SENP6: variants seen among roughly 807,000 people sequenced by gnomAD.
SENP6 encodes the protein SUMO specific peptidase 6, also known as sentrin-specific protease 6.
SENP6 carries 41 observed loss-of-function variants against 134.5 expected under a neutral mutation model. The ratio of observed to expected loss-of-function variants is 0.30; its 90% confidence interval spans 0.24 to 0.40. The LOEUF is 0.40. Among genes scored for constraint, SENP6 ranks in the 10% least tolerant of loss-of-function variants. The pLI is 1.00. For missense variants in SENP6, 1,248 were observed against 1,312.5 expected (o/e 0.95, Z 0.76); for synonymous variants, 395 against 429.8 (o/e 0.92, Z 1.00).
chr6:75,670,697 C>G lies in SENP6; in HGVS notation c.1369C>G (p.Arg457Gly), dbSNP rs756987394. The G allele has an allele frequency of 6.2e-6, 10 of 1,610,186 alleles. No individual in the cohort carries two copies. The highest frequency in any genetic ancestry group is 2.7e-5 in the African/African-American group (2 of 74,866). Residue 457 changes from arginine to glycine, a missense_variant, in exon 11 of 24, where the codon CGG (arginine) becomes GGG (glycine). By Grantham distance (125) the Arg-to-Gly change is moderately radical. This residue lies in a region of SENP6 where 733 missense variants were observed against 725.4 expected (regional missense o/e 1.01). Coordinates refer to ENST00000447266, the MANE Select transcript of SENP6 (RefSeq NM_015571.4). ...CRSIRVGTLF[R>G]LLIEPVIFCL... ...AAGTATACGAGTAGGAACACTCTTC[C>G]GGCTGTTAATAGAGCCTGTAATTGT... is the stretch of plus-strand genomic sequence containing the variant.
chr6:75,681,037 A>T (rs921432792), intron 16 of SENP6, among the ~76,000 whole-genome samples: 1 of 152,252 alleles, frequency 6.6e-6, no homozygotes, highest in Admixed American at 6.5e-5. Context: ...TGAGAAAAGA[A>T]TATCAATAGA....
rs371593970 is a variant in SENP6 at position 75,675,826 on chromosome 6, G to A, written c.1427-34G>A. 6.5e-6 allele frequency: 10 copies of A among 1,534,568 alleles called. No homozygotes were observed. In the African/African-American group the frequency reaches 1.4e-4, roughly 21 times the overall value. On this transcript the variant is annotated intron_variant, in intron 12 of 23. Coordinates refer to ENST00000447266, the MANE Select transcript of SENP6 (RefSeq NM_015571.4). Reference sequence around the variant, plus strand: ...CCCATTCATGATATTACCCTCTTAAGAATTATTTTTCCATTTCATTTGTTT... The same window carrying A: ...CCCATTCATGATATTACCCTCTTAAAAATTATTTTTCCATTTCATTTGTTT...
chr6:75,660,853 A>G (rs2842537), intron 8 of SENP6, among the ~76,000 whole-genome samples: 1 of 150,320 alleles, frequency 6.7e-6, no homozygotes, highest in African/African-American at 2.5e-5. Flanking sequence ...CTGGTCTTGA[A>G]CTCCTGACCT....
intron 19 of SENP6, among the ~76,000 whole-genome samples, chr6:75,704,678 C>T (rs1027301260): frequency 6.6e-5 from 10 of 152,278 alleles, no homozygotes; most frequent in East Asian, 1.9e-4. Flanking sequence ...GGCTGGGGGA[C>T]GGTCAGGTCC....
rs1474841606 is a variant in SENP6, at chr6:75,713,541, C to T, written c.2938C>T (p.Arg980Ter). 1.2e-6 allele frequency: 2 copies of T among 1,613,660 alleles called. No homozygotes were observed. The highest frequency in any genetic ancestry group is 1.7e-6 in the Non-Finnish European group (2 of 1,179,786). ...TTGTATCCTACTTATGGACTCACTC[C>T]GAGGCCCTTCTCGGTCAAATGTTGT... Reference protein sequence around the residue: ...QPCILLMDSLRGPSRSNVVKI... With the variant: ...QPCILLMDSL The change falls in exon 22 of 24, where the codon CGA (arginine) becomes TGA (stop). Residue 980 changes from arginine (R) to a stop codon, truncating the protein, a stop_gained. Coordinates refer to ENST00000447266, the MANE Select transcript of SENP6 (RefSeq NM_015571.4). LOFTEE classifies it high-confidence loss of function.
At chr6:75,710,939 CAT>C (rs1435562663) in intron 20 of SENP6, among the ~76,000 whole-genome samples, 3 of 152,102 alleles carry the variant, frequency 2.0e-5, no homozygotes, top group Admixed American at 6.5e-5. Context: ...TGTAAAATAA[CAT>C]GTTATTTTAT....
In SENP6 at chr6:75,625,588, G is replaced by A. The variant is rs1289922647; in HGVS notation, c.207+1628G>A. Among the ~76,000 whole-genome samples the A allele has an allele frequency of 2.0e-5, 3 of 152,158 alleles. No homozygotes were observed. In the East Asian group the frequency reaches 5.8e-4, roughly 29 times the overall value. ...ATGTTAATTTAATAACTTATTTGGGGCTGGGCACAGTGGCTTATGCCAGTA... is the reference window on the plus strand; with the variant it reads ...ATGTTAATTTAATAACTTATTTGGGACTGGGCACAGTGGCTTATGCCAGTA... On this transcript the variant is annotated intron_variant, in intron 3 of 23. Coordinates refer to ENST00000447266, the MANE Select transcript of SENP6 (RefSeq NM_015571.4).
intron 19 of SENP6, among the ~76,000 whole-genome samples, chr6:75,707,647 T>A (rs1053605178): frequency 1.3e-5 from 2 of 152,020 alleles, no homozygotes; most frequent in Non-Finnish European, 2.9e-5. Context: ...TGTGAGCCAC[T>A]GCGCTCAGCC....
At chr6:75,690,199 C>G (rs1430982110) in intron 16 of SENP6, among the ~76,000 whole-genome samples, 1 of 152,244 alleles carries the variant, frequency 6.6e-6, no homozygotes. Context: ...GCATAAGCCA[C>G]TGCTCCCAAC....
intron 6 of SENP6, among the ~76,000 whole-genome samples, chr6:75,646,330 G>C (rs1201067557): frequency 1.3e-5 from 2 of 152,078 alleles, no homozygotes; most frequent in Non-Finnish European, 2.9e-5. Flanking sequence ...ATGTTGCTCT[G>C]CTTGATATTG....
chr6:75,659,516 C>A, intron 8 of SENP6, 109 bp downstream of exon 8: 1 of 1,019,242 alleles, frequency 9.8e-7, no homozygotes, highest in Non-Finnish European at 1.4e-6. Flanking sequence ...CCAGAAGAGA[C>A]TTGGAAAACT....
At chr6:75,620,645 C>G (rs568740191) in intron 1 of SENP6, 1 of 152,382 alleles carries the variant, frequency 6.6e-6, no homozygotes, top group South Asian at 2.1e-4. Flanking sequence ...GACCATAGCA[C>G]TGACCATGGG....
chr6:75,639,092 T>C (rs1190436369), intron 5 of SENP6, among the ~76,000 whole-genome samples: 1 of 152,130 alleles, frequency 6.6e-6, no homozygotes, highest in African/African-American at 2.4e-5. Context: ...GTTCTTATTT[T>C]TTGGGCACAG....
chr6:75,651,585 C>A (rs983954244), intron 7 of SENP6, among the ~76,000 whole-genome samples: 5 of 152,098 alleles, frequency 3.3e-5, no homozygotes, highest in African/African-American at 4.8e-5. Flanking sequence ...CTTCTGGGCT[C>A]CAGCGATCTG....
At chr6:75,655,123 A>T (rs918558991) in intron 7 of SENP6, 1 of 152,240 alleles carries the variant, frequency 6.6e-6, no homozygotes, top group Non-Finnish European at 1.5e-5. Context: ...TTGAACCAAG[A>T]TCGGTCCTCC....
At chr6:75,705,748 T>C (rs1775349231) in intron 19 of SENP6, among the ~76,000 whole-genome samples, 1 of 151,746 alleles carries the variant, frequency 6.6e-6, no homozygotes, top group South Asian at 2.1e-4. Context: ...TTCTTTTTTT[T>C]TAACACCTTG....
chr6:75,662,395 A>G (rs978730684), intron 8 of SENP6, among the ~76,000 whole-genome samples: 3 of 151,938 alleles, frequency 2.0e-5, no homozygotes, highest in Non-Finnish European at 4.4e-5. Context: ...TCAGCCTCCC[A>G]ATGTGTTGGG....
At chr6:75,709,361 G>A (rs1775612747) in intron 19 of SENP6, among the ~76,000 whole-genome samples, 166 bp from the exon 20 acceptor site, 2 of 152,030 alleles carry the variant, frequency 1.3e-5, no homozygotes, top group African/African-American at 2.4e-5. Context: ...TGTCAATCCA[G>A]GTTTTTAAAA....
chr6:75,641,500 G>T (rs1770024422), intron 6 of SENP6, among the ~76,000 whole-genome samples: 1 of 152,150 alleles, frequency 6.6e-6, no homozygotes, highest in South Asian at 2.1e-4. Context: ...GTTTGTAAGA[G>T]AATTTTGTGA....
Sources: allele counts gnomAD v4.1 joint callset (sites outside exome capture counted in the v4.1 genomes callset), GRCh38; gene constraint gnomAD v4.1.1; regional missense constraint gnomAD v4.1.1; transcripts MANE v1.5; gene names NCBI Gene and HGNC (gene_info 2026-07-23, HGNC 2026-07-21).